Variants in ERC2 observed in about 807,000 individuals in gnomAD.
ERC2 encodes ELKS/RAB6-interacting/CAST family member 2.
Under a neutral mutation model 114.8 loss-of-function variants are expected in ERC2, and 42 were observed. That is an observed-to-expected ratio of 0.37 (90% CI 0.29 to 0.47). The LOEUF (loss-of-function observed/expected upper bound fraction) is 0.47, where lower values mean the gene tolerates loss of function less well. ERC2 is among the 20% of genes least tolerant of loss of function. The pLI, the probability that ERC2 is intolerant of heterozygous loss-of-function variation, is 0.99. For synonymous variants in ERC2, 454 were observed against 425.5 expected, an observed-to-expected ratio of 1.07 and a Z score of -0.82; for missense variants, 939 against 1,150.7, an observed-to-expected ratio of 0.82 and a Z score of 2.66.
chr3:56,326,229 GA>G (rs2150438499), intron 2 of ERC2, among the ~76,000 whole-genome samples: 1 of 152,324 alleles, frequency 6.6e-6, no homozygotes, highest in African/African-American at 2.4e-5. Flanking sequence ...AAAGCCTGAG[GA>G]AAGTCCAAGT....
chr3:56,152,247 AATTTT>A (rs755067227), intron 4 of ERC2, among the ~76,000 whole-genome samples: 3 of 152,192 alleles, frequency 2.0e-5, no homozygotes, highest in East Asian at 1.9e-4. Context: ...TATTCTATTT[AATTTT>A]ATTTATCACA....
intron 3 of ERC2, among the ~76,000 whole-genome samples, chr3:56,236,247 A>G (rs866924988): frequency 1.6e-4 from 24 of 152,028 alleles, no homozygotes; most frequent in Middle Eastern, 3.4e-3. Context: ...GGCTGCATAT[A>G]GATTTGGAGC....
chr3:56,343,186 T>TCACACACACACACACACACACA (rs1222760029), intron 2 of ERC2, among the ~76,000 whole-genome samples: 1 of 15,010 alleles, frequency 6.7e-5, no homozygotes, highest in African/African-American at 1.3e-4. Flanking sequence ...TCTCTCTCTC[T>TCACACACACACACACACACACA]CTCTCTCACA....
chr3:55,692,230 G>T (rs1205729935), intron 16 of ERC2, among the ~76,000 whole-genome samples: 1 of 152,126 alleles, frequency 6.6e-6, no homozygotes, highest in East Asian at 1.9e-4. Flanking sequence ...CACAGAGAGG[G>T]GCTCAGTGGG....
intron 14 of ERC2, among the ~76,000 whole-genome samples, chr3:55,840,022 A>G (rs1398188735): frequency 1.3e-5 from 2 of 152,082 alleles, no homozygotes; most frequent in Non-Finnish European, 2.9e-5. Context: ...CTAATTAATC[A>G]AAAGAAAACT....
rs75396769 is a variant in ERC2 at position 56,312,210 on chromosome 3, T to A, written c.658-15775A>T. 6.5e-3 allele frequency among the ~76,000 whole-genome samples: 993 copies of A among 152,202 alleles called. 48 individuals carry two copies. The East Asian group carries it at 0.14, about 21-fold the overall frequency. ...TATGTTGTTTACTATTTCTAAAGAT[T>A]CCATAAATACTGAATTTTAATTCTG... On this transcript the variant is annotated intron_variant, in intron 2 of 17. Transcript: ENST00000288221.
At chr3:55,830,300 G>A (rs1159456361) in intron 14 of ERC2, among the ~76,000 whole-genome samples, 1 of 152,108 alleles carries the variant, frequency 6.6e-6, no homozygotes, top group African/African-American at 2.4e-5. Flanking sequence ...TTTATCAATG[G>A]CAGACCTACT....
chr3:56,134,925 TTTTTGTTTTTG>T lies in ERC2; in HGVS notation c.1473+4573_1473+4583del, dbSNP rs572298421. On this transcript the variant is annotated intron_variant, in intron 6 of 17. Coordinates refer to ENST00000288221, the MANE Select transcript of ERC2 (RefSeq NM_015576.3). Reference sequence around the variant, plus strand: ...AAATCTCTCTCTTTTTTTTTGTTTTTTTTTGTTTTTGTTTTTGTTTTTGTTTTTGTTTTTGT... The same window carrying T: ...AAATCTCTCTCTTTTTTTTTGTTTTTTTTTTGTTTTTGTTTTTGTTTTTGT... 9.2e-3 allele frequency among the ~76,000 whole-genome samples: 1,229 copies of T among 133,552 alleles called. 15 individuals are homozygous for T. Among genetic ancestry groups the T allele is most frequent in the African/African-American group, 0.031 (1,070 of 34,774 alleles). 87.6% of individuals were successfully genotyped at this position (133,552 alleles called of 152,430 possible).
At chr3:55,557,907 C>T (rs1293030921) in intron 17 of ERC2, among the ~76,000 whole-genome samples, 1 of 152,258 alleles carries the variant, frequency 6.6e-6, no homozygotes, top group Non-Finnish European at 1.5e-5. Flanking sequence ...CCCTCCAGGG[C>T]TCAAGGCCTC....
chr3:56,164,086 A>C (rs2082198103), intron 4 of ERC2, among the ~76,000 whole-genome samples: 1 of 151,902 alleles, frequency 6.6e-6, no homozygotes. Flanking sequence ...TTTCCTTTAT[A>C]ATATTTTTCT....
intron 3 of ERC2, among the ~76,000 whole-genome samples, chr3:56,237,747 T>G (rs560476761): frequency 6.6e-6 from 1 of 152,294 alleles, no homozygotes; most frequent in East Asian, 1.9e-4. Flanking sequence ...GGAAGGTGTT[T>G]TGATAGCTTT....
chr3:55,619,044 C>T (rs559468679), intron 17 of ERC2, among the ~76,000 whole-genome samples: 7 of 152,304 alleles, frequency 4.6e-5, no homozygotes, highest in African/African-American at 1.7e-4. Flanking sequence ...CAACAGGTGT[C>T]TTCTCCAGGG....
intron 17 of ERC2, among the ~76,000 whole-genome samples, chr3:55,546,702 G>C (rs1300902005): frequency 6.6e-6 from 1 of 152,226 alleles, no homozygotes; most frequent in African/African-American, 2.4e-5. Flanking sequence ...GAGGTTCGGT[G>C]AGGGTAGGGA....
chr3:55,677,970 G>C (rs2061891267), intron 17 of ERC2, among the ~76,000 whole-genome samples: 2 of 152,138 alleles, frequency 1.3e-5, no homozygotes, highest in African/African-American at 4.8e-5. Flanking sequence ...GTACTAAGAT[G>C]AAGAAATATT....
At chr3:55,735,136 T>G (rs2065547175) in intron 14 of ERC2, among the ~76,000 whole-genome samples, 1 of 152,130 alleles carries the variant, frequency 6.6e-6, no homozygotes, top group Non-Finnish European at 1.5e-5. Flanking sequence ...AGAGGAATCT[T>G]TTAATGGCTT....
Position 55,993,682 on chromosome 3 carries a change from A to C in ERC2, c.2062-1432T>G, listed in dbSNP as rs183211080. ...TTTAAGAAATAAACTCAATTACACA[A>C]AAAAAAAACAAGAAAAATATGTCAA... On this transcript the variant is annotated intron_variant, in intron 10 of 17. Transcript: ENST00000288221. Among the ~76,000 whole-genome samples, 164 of 151,102 alleles carry C rather than the reference A, an allele frequency of 1.1e-3. 1 individual carries two copies. The highest frequency in any genetic ancestry group is 9.1e-3 in the East Asian group (47 of 5,166).
chr3:56,006,091 A>T (rs974996436), intron 10 of ERC2, among the ~76,000 whole-genome samples: 1 of 152,032 alleles, frequency 6.6e-6, no homozygotes, highest in Non-Finnish European at 1.5e-5. Flanking sequence ...TTTGTTATTA[A>T]AGGATTTGAT....
chr3:55,799,005 C>T (rs75122935), intron 14 of ERC2, among the ~76,000 whole-genome samples: 26 of 152,156 alleles, frequency 1.7e-4, no homozygotes, highest in East Asian at 9.6e-4. Context: ...AGACAAGAAG[C>T]GCATGTACGT....
intron 13 of ERC2, among the ~76,000 whole-genome samples, chr3:55,938,299 G>GA (rs2066580534): frequency 3.3e-5 from 5 of 149,886 alleles, no homozygotes. Flanking sequence ...AAACATTACA[G>GA]AAAAGAATGT....
Sources: allele counts gnomAD v4.1 joint callset (sites outside exome capture counted in the v4.1 genomes callset), GRCh38; gene constraint gnomAD v4.1.1; transcripts MANE v1.5; gene names NCBI Gene and HGNC (gene_info 2026-07-23, HGNC 2026-07-21).